The following SORCS3 variants were observed in gnomAD, a reference collection of about 807,000 sequenced individuals.
The protein encoded by SORCS3 is sortilin related VPS10 domain containing receptor 3, also known as VPS10 domain-containing receptor SorCS3.
Under a neutral mutation model 146.3 loss-of-function variants are expected in SORCS3, and 57 were observed. That is an observed-to-expected ratio of 0.39 (90% confidence interval 0.31 to 0.49). The LOEUF is 0.49. SORCS3 is among the 20% of genes least tolerant of loss of function. The pLI is 0.92. For synonymous variants in SORCS3, 653 were observed against 618.5 expected (o/e 1.06, Z -0.83); for missense variants, 1,341 against 1,575.5 (o/e 0.85, Z 2.52).
intron 4 of SORCS3, among the ~76,000 whole-genome samples, chr10:104,996,978 T>C (rs145815325): frequency 1.4e-3 from 220 of 152,240 alleles, no homozygotes; most frequent in Non-Finnish European, 2.4e-3. Context: ...ATTTTTTCGA[T>C]GATCCCTGGA....
At chr10:105,247,745 CAAAAAGA>C (rs1321853488) in intron 22 of SORCS3, among the ~76,000 whole-genome samples, 17 of 33,582 alleles carry the variant, frequency 5.1e-4, no homozygotes, top group Non-Finnish European at 7.9e-4. Context: ...AAGATTCTGT[CAAAAAGA>C]AGAAGAAGAA....
At chr10:105,146,695 C>A (rs2056133551) in intron 8 of SORCS3, among the ~76,000 whole-genome samples, 1 of 152,138 alleles carries the variant, frequency 6.6e-6, no homozygotes, top group Non-Finnish European at 1.5e-5. Context: ...AAAGCTGGTT[C>A]TGCCATTTGA....
intron 3 of SORCS3, among the ~76,000 whole-genome samples, chr10:104,940,238 A>ATATATTTTTTT (rs1435205868): frequency 3.2e-5 from 1 of 31,522 alleles, no homozygotes; most frequent in Non-Finnish European, 6.1e-5. Context: ...ATATATATAT[A>ATATATTTTTTT]TTTTTTTTTT....
intron 6 of SORCS3, among the ~76,000 whole-genome samples, chr10:105,094,442 A>G (rs189435715): frequency 1.4e-3 from 211 of 152,326 alleles, no homozygotes; most frequent in Middle Eastern, 3.4e-3. Flanking sequence ...TTCTATAGCA[A>G]TTCCTGCTTT....
At chr10:105,208,297 C>T (rs1251121551) in intron 16 of SORCS3, among the ~76,000 whole-genome samples, 1 of 150,586 alleles carries the variant, frequency 6.6e-6, no homozygotes, top group East Asian at 2.0e-4. Flanking sequence ...TCTGAGATCG[C>T]GTCCCTGCAC....
intron 7 of SORCS3, among the ~76,000 whole-genome samples, chr10:105,114,661 C>T (rs549127009): frequency 6.6e-6 from 1 of 152,256 alleles, no homozygotes; most frequent in East Asian, 1.9e-4. Context: ...CCCACAACCA[C>T]TCATGCAAAC....
chr10:104,677,232 T>C (rs1221605609), intron 1 of SORCS3, among the ~76,000 whole-genome samples: 3 of 152,328 alleles, frequency 2.0e-5, no homozygotes, highest in East Asian at 3.9e-4. Context: ...CTGGGCATGT[T>C]TGGGAGAGAG....
intron 1 of SORCS3, among the ~76,000 whole-genome samples, chr10:104,790,462 T>C (rs17772550): frequency 0.044 from 6,715 of 152,248 alleles, 151 homozygotes; most frequent in South Asian, 0.061. Flanking sequence ...TTGATTACCA[T>C]TGGAAGGTCC....
rs1189753701 is a variant in SORCS3 at position 105,223,024 on chromosome 10, C to T, written c.2735-92C>T. 7 of 1,329,948 alleles carry T rather than the reference C, an allele frequency of 5.3e-6. No homozygotes were observed. The South Asian group carries it at 6.9e-5, about 13-fold the overall frequency. The allele number at this position is 1,329,948 out of a possible 1,614,324, so 82.4% of individuals were successfully genotyped here. The stretch of plus-strand genomic sequence containing the variant: ...GACCCTTCCTTTTTTACAGGAGATG[C>T]GAATAGAATTTAAGGTTAAGAATCT... On this transcript the variant is annotated intron_variant, in intron 19 of 26. Transcript: ENST00000369701.
chr10:104,993,861 G>C (rs576053430), intron 4 of SORCS3, among the ~76,000 whole-genome samples: 1 of 152,280 alleles, frequency 6.6e-6, no homozygotes, highest in East Asian at 1.9e-4. Flanking sequence ...ATACTGAAAA[G>C]TATGCCCCAA....
At chr10:104,716,105 T>G (rs1485499865) in intron 1 of SORCS3, among the ~76,000 whole-genome samples, 1 of 152,202 alleles carries the variant, frequency 6.6e-6, no homozygotes, top group Non-Finnish European at 1.5e-5. Context: ...TCTTTAAGTC[T>G]TTTAAATTTG....
chr10:105,014,845 G>T (rs746349012), intron 4 of SORCS3, among the ~76,000 whole-genome samples: 13 of 152,198 alleles, frequency 8.5e-5, no homozygotes, highest in Non-Finnish European at 1.6e-4. Context: ...AGAGCTAGAA[G>T]GTGCCATCTA....
chr10:104,753,854 C>T (rs935657882), intron 1 of SORCS3, among the ~76,000 whole-genome samples: 1 of 152,184 alleles, frequency 6.6e-6, no homozygotes, highest in Non-Finnish European at 1.5e-5. Context: ...CCTATAGCTA[C>T]AAGAATTTTG....
chr10:105,197,907 C>G (rs1234516576), intron 14 of SORCS3, among the ~76,000 whole-genome samples: 3 of 152,114 alleles, frequency 2.0e-5, no homozygotes, highest in Non-Finnish European at 4.4e-5. Flanking sequence ...ATTTTCATGT[C>G]TTCAAGTCGT....
intron 5 of SORCS3, among the ~76,000 whole-genome samples, chr10:105,073,334 C>T (rs563912374): frequency 6.6e-6 from 1 of 152,222 alleles, no homozygotes; most frequent in East Asian, 1.9e-4. Flanking sequence ...TGACCCCTTC[C>T]AGGCCTAGGC....
chr10:104,783,436 A>C (rs997178784), intron 1 of SORCS3, among the ~76,000 whole-genome samples: 66 of 152,318 alleles, frequency 4.3e-4, no homozygotes, highest in Admixed American at 2.0e-3. Flanking sequence ...ACCTCTTCTC[A>C]AAAAATGAAT....
chr10:105,099,981 C>T (rs1168385388), intron 6 of SORCS3, among the ~76,000 whole-genome samples: 1 of 152,150 alleles, frequency 6.6e-6, no homozygotes, highest in Non-Finnish European at 1.5e-5. Context: ...TGAGCCAATA[C>T]AAAAGGAATG....
chr10:104,896,486 G>A (rs1029667162), intron 2 of SORCS3, among the ~76,000 whole-genome samples: 2 of 152,246 alleles, frequency 1.3e-5, no homozygotes, highest in South Asian at 4.1e-4. Context: ...TTTAAAGTGT[G>A]AGTGCAGATT....
chr10:104,957,331 G>T (rs1316731882), intron 3 of SORCS3, among the ~76,000 whole-genome samples: 1 of 152,116 alleles, frequency 6.6e-6, no homozygotes, highest in African/African-American at 2.4e-5. Context: ...TGGCAACAGT[G>T]GGCTGTGGCA....
Sources: gnomAD v4.1 joint callset for allele counts (sites outside exome capture counted in the v4.1 genomes callset) on GRCh38, gnomAD v4.1.1 for gene constraint, MANE v1.5 for transcripts, NCBI Gene and HGNC (gene_info 2026-07-23, HGNC 2026-07-21) for gene names.